Variants in DLGAP2 observed in about 807,000 individuals in gnomAD.
The protein encoded by DLGAP2 is disks large-associated protein 2.
In DLGAP2, 26 loss-of-function variants were observed where a neutral mutation model predicts 100.3. That is an observed-to-expected ratio of 0.26 (90% CI 0.19 to 0.36). The LOEUF is 0.36. DLGAP2 is among the 10% of genes least tolerant of loss of function. The pLI is 1.00. For synonymous variants in DLGAP2, 886 were observed against 630.1 expected, an observed-to-expected ratio of 1.41 and a Z score of -6.08; for missense variants, 1,858 against 1,453.2, an observed-to-expected ratio of 1.28 and a Z score of -4.53.
chr8:1,145,589 A>G (rs1207253422), intron 2 of DLGAP2, among the ~76,000 whole-genome samples: 1 of 152,070 alleles, frequency 6.6e-6, no homozygotes, highest in Non-Finnish European at 1.5e-5. Context: ...CATCTTCTGC[A>G]TATTTTTGGT....
At chr8:738,624 G>C (rs1820388035) in intron 1 of DLGAP2, 1 of 152,326 alleles carries the variant, frequency 6.6e-6, no homozygotes. Flanking sequence ...AGCCCTGCGC[G>C]GAGGGCTGGG....
intron 3 of DLGAP2, among the ~76,000 whole-genome samples, chr8:1,317,411 A>G (rs1258373113): frequency 1.4e-5 from 2 of 141,596 alleles, no homozygotes; most frequent in African/African-American, 5.5e-5. Flanking sequence ...CGTCTCTCCA[A>G]CAGTGGTCTA....
At chr8:1,422,407 G>A (rs1797116417) in intron 3 of DLGAP2, among the ~76,000 whole-genome samples, 1 of 152,180 alleles carries the variant, frequency 6.6e-6, no homozygotes, top group African/African-American at 2.4e-5. Flanking sequence ...TTGTGTATAT[G>A]TAGGGAGAAA....
chr8:806,358 T>C (rs1796269566), intron 1 of DLGAP2, among the ~76,000 whole-genome samples: 1 of 152,220 alleles, frequency 6.6e-6, no homozygotes. Flanking sequence ...CCCGTCACTC[T>C]GCAGCAGCCG....
intron 2 of DLGAP2, among the ~76,000 whole-genome samples, chr8:1,036,872 C>T (rs1372861260): frequency 6.6e-6 from 1 of 152,190 alleles, no homozygotes; most frequent in Non-Finnish European, 1.5e-5. Context: ...CTTGATTTTA[C>T]CCCTTGAAAC....
chr8:1,668,273 C>T, intron 8 of DLGAP2, 56 bp from the exon 9 acceptor site: 1 of 1,426,744 alleles, frequency 7.0e-7, no homozygotes, highest in Non-Finnish European at 9.3e-7. Context: ...AAACAGTAGA[C>T]CACAGGCTGA....
At chr8:999,420 G>A (rs1320964946) in intron 2 of DLGAP2, among the ~76,000 whole-genome samples, 2 of 149,246 alleles carry the variant, frequency 1.3e-5, no homozygotes, top group African/African-American at 2.5e-5. Flanking sequence ...CCTGTGCTTT[G>A]TATTTTGTTT....
chr8:923,076 C>T (rs547295857), intron 2 of DLGAP2, among the ~76,000 whole-genome samples: 13 of 152,120 alleles, frequency 8.5e-5, no homozygotes, highest in South Asian at 8.3e-4. Context: ...TGTCAAACCC[C>T]GGGTGGGTGT....
At chr8:1,641,879 C>T (rs575413755) in intron 8 of DLGAP2, among the ~76,000 whole-genome samples, 3 of 128,660 alleles carry the variant, frequency 2.3e-5, no homozygotes, top group Non-Finnish European at 3.3e-5. Context: ...CCCTCGAACC[C>T]GCCGGTCCTC....
At chr8:1,296,064 T>C (rs955856473) in intron 3 of DLGAP2, 1 of 152,224 alleles carries the variant, frequency 6.6e-6, no homozygotes, top group Admixed American at 6.5e-5. Context: ...ATTTTGGCTT[T>C]ACCTGCTGTT....
chr8:871,530 C>A (rs1217785740), intron 1 of DLGAP2, among the ~76,000 whole-genome samples: 1 of 152,142 alleles, frequency 6.6e-6, no homozygotes, highest in Non-Finnish European at 1.5e-5. Context: ...TTGGGATTAT[C>A]CAGGTTTAGC....
At chr8:1,211,009 G>C (rs971563283) in intron 2 of DLGAP2, among the ~76,000 whole-genome samples, 13 of 152,240 alleles carry the variant, frequency 8.5e-5, no homozygotes, top group Non-Finnish European at 1.8e-4. Flanking sequence ...TTAAAGGACA[G>C]ACAGCCCACA....
chr8:887,585 C>T (rs767271397), intron 1 of DLGAP2, among the ~76,000 whole-genome samples: 2 of 152,190 alleles, frequency 1.3e-5, no homozygotes, highest in African/African-American at 2.4e-5. Flanking sequence ...TGAAATCCCT[C>T]AGCATTTTCT....
chr8:1,041,601 T>C (rs1372655608), intron 2 of DLGAP2, among the ~76,000 whole-genome samples: 5 of 114,084 alleles, frequency 4.4e-5, no homozygotes, highest in East Asian at 2.8e-4. Flanking sequence ...CGTGGGTGAG[T>C]GTTCTCCGAG....
intron 2 of DLGAP2, among the ~76,000 whole-genome samples, chr8:917,353 C>T (rs562081219): frequency 6.6e-6 from 1 of 152,034 alleles, no homozygotes; most frequent in South Asian, 2.1e-4. Flanking sequence ...ATCTTTCCAC[C>T]TCAGCCCCTC....
intron 2 of DLGAP2, among the ~76,000 whole-genome samples, chr8:926,546 C>T (rs17814716): frequency 0.11 from 16,392 of 152,300 alleles, 1,349 homozygotes; most frequent in Admixed American, 0.25. Flanking sequence ...CATTGCTCTC[C>T]TGGCTCCTGG....
chr8:822,000 C>A, intron 1 of DLGAP2: 1 of 396,982 alleles, frequency 2.5e-6, no homozygotes, highest in African/African-American at 2.1e-5. Flanking sequence ...CTTAGTCTCA[C>A]TTTTTAATGT....
At chr8:1,033,950 C>G (rs191231867) in intron 2 of DLGAP2, among the ~76,000 whole-genome samples, 1 of 85,068 alleles carries the variant, frequency 1.2e-5, no homozygotes, top group African/African-American at 3.9e-5. Context: ...TGGACTCACA[C>G]GCTCATCCCG....
rs1444087165 is a variant in DLGAP2, at chr8:1,702,088, C to G, written c.*682C>G. On this transcript the variant is annotated 3_prime_UTR_variant, in exon 15 of 15. Coordinates refer to ENST00000637795, the MANE Select transcript of DLGAP2 (RefSeq NM_001346810.2). ...ACAAGTCTGAACCCACGAAAATACCCAGCGCAGCATCTACACATTCAAAAG... is the reference window on the plus strand; with the variant it reads ...ACAAGTCTGAACCCACGAAAATACCGAGCGCAGCATCTACACATTCAAAAG... The G allele has an allele frequency of 6.6e-6, 1 of 152,060 alleles. No homozygotes were observed. The highest frequency in any genetic ancestry group is 1.9e-4 in the East Asian group (1 of 5,180). 9.4% of individuals were successfully genotyped at this position (152,060 alleles called of 1,614,324 possible). A position where few individuals can be genotyped will look rare whatever the true frequency, so the allele number is the denominator to read the frequency against.
Sources: gnomAD v4.1 joint callset for allele counts (sites outside exome capture counted in the v4.1 genomes callset) on GRCh38, gnomAD v4.1.1 for gene constraint, MANE v1.5 for transcripts, NCBI Gene and HGNC (gene_info 2026-07-23, HGNC 2026-07-21) for gene names.